SNX8: variants seen among roughly 807,000 people sequenced by gnomAD.
The protein encoded by SNX8 is sorting nexin-8.
SNX8 carries 25 observed loss-of-function variants against 51.6 expected under a neutral mutation model. The ratio of observed to expected loss-of-function variants is 0.48; its 90% CI spans 0.35 to 0.68. The LOEUF is 0.68. Among genes scored for constraint, SNX8 ranks in the 30% least tolerant of loss-of-function variants. The probability of loss-of-function intolerance (pLI) is 0.00; values close to 1 mark genes in which losing one functional copy is unlikely to be tolerated. For missense variants in SNX8, 695 were observed against 624.0 expected (o/e 1.11, Z -1.21); for synonymous variants, 324 against 277.0 (o/e 1.17, Z -1.68).
chr7:2,282,752 G>A (rs1562436768), intron 1 of SNX8, among the ~76,000 whole-genome samples: 1 of 152,152 alleles, frequency 6.6e-6, no homozygotes, highest in Non-Finnish European at 1.5e-5. Flanking sequence ...CGAGGCAGGT[G>A]GATCACCTAA....
upstream of SNX8, among the ~76,000 whole-genome samples, chr7:2,314,872 G>GCATT (rs141714251): frequency 1.3e-5 from 2 of 152,034 alleles, no homozygotes; most frequent in Non-Finnish European, 2.9e-5. Context: ...ACTGCATCCT[G>GCATT]CATTCATTCA....
At chr7:2,350,240 CTGAGGCCTAGAGACGT>C (rs1779110701) in intron 1 of SNX8, among the ~76,000 whole-genome samples, 1 of 152,190 alleles carries the variant, frequency 6.6e-6, no homozygotes, top group Non-Finnish European at 1.5e-5. Flanking sequence ...GGTAAGAAAA[CTGAGGCCTAGAGACGT>C]TGAGGCTCTC....
rs879887315 is a variant in SNX8, at chr7:2,304,413, G to T, written c.94+9915C>A. Among the ~76,000 whole-genome samples the T allele has an allele frequency of 7.3e-5, 11 of 151,558 alleles. No individual in the cohort carries two copies. The South Asian group carries it at 1.5e-3, about 20-fold the overall frequency. ...CAAAAAATTAGCCAGGCGTGGTGGC[G>T]GGCGCCTGTAGTCCCAGCTACTCGG... is the stretch of plus-strand genomic sequence containing the variant. On this transcript the variant is annotated intron_variant, in intron 1 of 10. Transcript: ENST00000222990.
intron 1 of SNX8, among the ~76,000 whole-genome samples, chr7:2,280,558 G>T (rs930235296): frequency 6.6e-6 from 1 of 152,018 alleles, no homozygotes; most frequent in Admixed American, 6.6e-5. Flanking sequence ...ATTAAGATAA[G>T]ATAATCTTCC....
At chr7:2,304,565 T>G (rs993032994) in intron 1 of SNX8, among the ~76,000 whole-genome samples, 1 of 151,454 alleles carries the variant, frequency 6.6e-6, no homozygotes, top group Non-Finnish European at 1.5e-5. Flanking sequence ...AAATTCCATC[T>G]CCCCAAGGAC....
Position 2,254,345 on chromosome 7 carries a change from C to G in SNX8, c.*711G>C, listed in dbSNP as rs1014764495. On this transcript the variant is annotated 3_prime_UTR_variant, in exon 11 of 11. Transcript: ENST00000222990. ...CAAGGGAGTCCAGGGGACGAGAACACAGCTGCTGTAGCGCCCACTCTCAGA... is the reference window on the plus strand; with the variant it reads ...CAAGGGAGTCCAGGGGACGAGAACAGAGCTGCTGTAGCGCCCACTCTCAGA... The G allele has an allele frequency of 1.9e-5, 3 of 154,380 alleles. No individual in the cohort carries two copies. Among genetic ancestry groups the G allele is most frequent in the African/African-American group, 7.2e-5 (3 of 41,480 alleles). The allele number at this position is 154,380 out of a possible 1,614,324, so 9.6% of individuals were successfully genotyped here.
chr7:2,327,761 C>T (rs1778652722), intron 1 of SNX8, among the ~76,000 whole-genome samples: 1 of 151,780 alleles, frequency 6.6e-6, no homozygotes. Flanking sequence ...CCAGGATGGT[C>T]TCTATCTCCT....
At chr7:2,272,790 T>A (rs1795680311) in intron 3 of SNX8, among the ~76,000 whole-genome samples, 1 of 152,190 alleles carries the variant, frequency 6.6e-6, no homozygotes, top group African/African-American at 2.4e-5. Context: ...AAGCATATAC[T>A]GATGCATTCA....
chr7:2,291,660 G>A (rs1337726951), intron 1 of SNX8, among the ~76,000 whole-genome samples: 1 of 150,964 alleles, frequency 6.6e-6, no homozygotes, highest in African/African-American at 2.4e-5. Context: ...CCCTGGTCCT[G>A]ATTACTGAGA....
chr7:2,272,036 C>A, intron 3 of SNX8, 65 bp from the exon 4 acceptor site: 1 of 1,598,484 alleles, frequency 6.3e-7, no homozygotes, highest in Non-Finnish European at 8.5e-7. Context: ...CTGCTCTGGG[C>A]GAGTTCTCAA....
At chr7:2,275,463 G>A (rs1345522089) in intron 2 of SNX8, among the ~76,000 whole-genome samples, 1 of 152,206 alleles carries the variant, frequency 6.6e-6, no homozygotes, top group Non-Finnish European at 1.5e-5. Flanking sequence ...ATTCTGGGAG[G>A]TTGAGGCGGG....
At chr7:2,300,887 T>C (rs1304403284) in intron 1 of SNX8, among the ~76,000 whole-genome samples, 1 of 152,066 alleles carries the variant, frequency 6.6e-6, no homozygotes, top group African/African-American at 2.4e-5. Context: ...AAATGATCTG[T>C]CTACCTTGGC....
intron 1 of SNX8, among the ~76,000 whole-genome samples, chr7:2,293,153 G>A (rs1020629044): frequency 1.3e-5 from 2 of 149,882 alleles, no homozygotes; most frequent in Non-Finnish European, 3.0e-5. Flanking sequence ...TGTAATCATA[G>A]CACTTTTGGG....
At chr7:2,327,200 C>T (rs1778636714) in intron 1 of SNX8, among the ~76,000 whole-genome samples, 1 of 151,950 alleles carries the variant, frequency 6.6e-6, no homozygotes, top group South Asian at 2.1e-4. Flanking sequence ...CTGCCTTCTC[C>T]TTGTATGTCT....
At chr7:2,256,462 T>C (rs1279045316) in intron 10 of SNX8, among the ~76,000 whole-genome samples, 2 of 152,214 alleles carry the variant, frequency 1.3e-5, no homozygotes, top group Admixed American at 1.3e-4. Context: ...GCGTTTCTTC[T>C]CCCAGGCTGA....
At chr7:2,319,572 T>C (rs1584737412) in intron 1 of SNX8, among the ~76,000 whole-genome samples, 1 of 152,244 alleles carries the variant, frequency 6.6e-6, no homozygotes, top group East Asian at 1.9e-4. Context: ...TCCCAGCACC[T>C]TGGGAGGCTG....
intron 1 of SNX8, among the ~76,000 whole-genome samples, chr7:2,335,453 C>T (rs908413464): frequency 2.7e-5 from 4 of 150,348 alleles, no homozygotes; most frequent in East Asian, 2.0e-4. Flanking sequence ...GTTCGAAACC[C>T]GCCTGGGCAA....
intron 1 of SNX8, among the ~76,000 whole-genome samples, chr7:2,313,786 G>A (rs576323762): frequency 1.3e-5 from 2 of 152,212 alleles, no homozygotes; most frequent in African/African-American, 2.4e-5. Context: ...ACTTGAAAGA[G>A]AGAGAAAAGC....
rs989052743 is a variant in SNX8, at chr7:2,257,948, G to A, written c.916-145C>T. 91 of 716,266 alleles carry A rather than the reference G, an allele frequency of 1.3e-4. 1 individual carries two copies. Among genetic ancestry groups the A allele is most frequent in the East Asian group, 2.6e-5 (1 of 39,128 alleles). 44.4% of individuals were successfully genotyped at this position (716,266 alleles called of 1,614,324 possible). ...CAGGACCACCAGCCAGGTCTGCAGG[G>A]GGCCCCCTTCCCCACCAGCCCACCC... On this transcript the variant is annotated intron_variant, in intron 7 of 10. Transcript: ENST00000222990.
Sources: allele counts gnomAD v4.1 joint callset (sites outside exome capture counted in the v4.1 genomes callset), GRCh38; gene constraint gnomAD v4.1.1; transcripts MANE v1.5; gene names NCBI Gene and HGNC (gene_info 2026-07-23, HGNC 2026-07-21).